Variants in TMEM63A observed in about 807,000 individuals in gnomAD.
The protein encoded by TMEM63A is transmembrane protein 63A.
Under a neutral mutation model 100.6 loss-of-function variants are expected in TMEM63A, and 76 were observed. The ratio of observed to expected loss-of-function variants is 0.76; its 90% CI spans 0.63 to 0.91. TMEM63A has a LOEUF of 0.91. Ranked by LOEUF, TMEM63A falls within the 40% of genes least tolerant of loss-of-function variation. The pLI, the probability that TMEM63A is intolerant of heterozygous loss-of-function variation, is 0.00. For synonymous variants in TMEM63A, 401 were observed against 401.1 expected (o/e 1.00, Z 0.00); for missense variants, 876 against 1,008.8 (o/e 0.87, Z 1.78).
At chr1:225,861,079 G>A (rs557625357) in intron 13 of TMEM63A, 82 bp from the exon 14 acceptor site, 1 of 1,462,376 alleles carries the variant, frequency 6.8e-7, no homozygotes, top group East Asian at 2.3e-5. Context: ...CTGAGTAGGA[G>A]TGGGAGGCAG....
At position 225,848,486 on chromosome 1, in the gene TMEM63A, G is replaced by A. The variant is rs764067527; in HGVS notation, c.2250+6C>T. ...ACAAGCTCAGAGGCTGAGGGGCACA[G>A]CTTACTGTGAACGGTGGGGGCATGT... On this transcript the variant is annotated splice_donor_region_variant and intron_variant, in intron 23 of 24. Coordinates refer to ENST00000366835, the MANE Select transcript of TMEM63A (RefSeq NM_014698.3). 1 of 1,614,120 alleles carries A rather than the reference G, an allele frequency of 6.2e-7. No homozygotes were observed. The highest frequency in any genetic ancestry group is 1.1e-5 in the South Asian group (1 of 91,086).
chr1:225,847,447 G>A (rs1200940972), intron 23 of TMEM63A: 5 of 475,028 alleles, frequency 1.1e-5, no homozygotes, highest in Non-Finnish European at 1.9e-5. Context: ...ACAGAAGGAA[G>A]CACAAGAGAG....
chr1:225,860,538 C>T (rs912178081), intron 14 of TMEM63A: 4 of 223,670 alleles, frequency 1.8e-5, no homozygotes, highest in East Asian at 9.5e-5. Flanking sequence ...ATATATTGGG[C>T]GAGATACATT....
chr1:225,860,441 ACAC>A (rs1407937223), intron 14 of TMEM63A: 1 of 154,682 alleles, frequency 6.5e-6, no homozygotes, highest in African/African-American at 2.4e-5. Flanking sequence ...TGTAAAATAC[ACAC>A]CAGATATTGA....
chr1:225,873,818 A>T (rs1351101249), intron 4 of TMEM63A, among the ~76,000 whole-genome samples: 1 of 152,146 alleles, frequency 6.6e-6, no homozygotes, highest in Non-Finnish European at 1.5e-5. Context: ...TTCAAAGATG[A>T]TCACTTAAAA....
At position 225,862,834 on chromosome 1, in the gene TMEM63A, C is replaced by T. The variant is rs369935667; in HGVS notation, c.764G>A (p.Cys255Tyr). 35 of 1,613,922 alleles carry T rather than the reference C, an allele frequency of 2.2e-5. No individual in the cohort carries two copies. In the African/African-American group the frequency reaches 2.7e-4, roughly 12 times the overall value. Residue 255 changes from cysteine (C) to tyrosine (Y), a missense_variant, in exon 11 of 25, where the codon TGT becomes TAT. Physicochemically the swap from Cys to Tyr is radical, Grantham distance 194. Transcript: ENST00000366835. This position sits in a 1 kb window ranked among gnomAD's most constrained non-coding sequence, Gnocchi z 5.1. ...GCACAGCTGCACATCAACCACCTCACACGTGGGATACGCGTCCCTGTGGCC... is the reference window on the plus strand; with the variant it reads ...GCACAGCTGCACATCAACCACCTCATACGTGGGATACGCGTCCCTGTGGCC... Reference protein sequence around the residue: ...ESHFRDAYPTCEVVDVQLCYN... With the variant: ...ESHFRDAYPTYEVVDVQLCYN...
chr1:225,868,063 G>A (rs1559046934), intron 6 of TMEM63A, 33 bp from the exon 7 acceptor site: 8 of 1,612,504 alleles, frequency 5.0e-6, no homozygotes, highest in Non-Finnish European at 6.8e-6. Context: ...TTAATGAGCA[G>A]TGGAACAGGC....
At chr1:225,880,089 G>C (rs373636073) in intron 1 of TMEM63A, among the ~76,000 whole-genome samples, 3 of 152,068 alleles carry the variant, frequency 2.0e-5, no homozygotes, top group East Asian at 1.9e-4. Flanking sequence ...TGCCAAATAG[G>C]CTTCCCAGGG....
Position 225,862,007 on chromosome 1 carries a change from C to T in TMEM63A, c.1085+211G>A. 4.1e-6 allele frequency: 3 copies of T among 735,246 alleles called. No homozygotes were observed. In the South Asian group the frequency reaches 5.6e-5, roughly 14 times the overall value. The allele number at this position is 735,246 out of a possible 1,614,324, so 45.5% of individuals were successfully genotyped here. On this transcript the variant is annotated intron_variant, in intron 13 of 24. Transcript: ENST00000366835. The surrounding 1 kb of genome is among the most constrained non-coding windows in gnomAD (Gnocchi z 5.1). ...TCAGCCAGAATCACCCACTCCGTGG[C>T]TGCTGCCCACACCCCCACCGCCTGT...
At chr1:225,866,909 C>T (rs185422860) in intron 8 of TMEM63A, among the ~76,000 whole-genome samples, 42 of 152,318 alleles carry the variant, frequency 2.8e-4, no homozygotes, top group African/African-American at 9.4e-4. Flanking sequence ...ATCCACAGGA[C>T]CCTCCGTGTT....
chr1:225,871,941 G>A (rs1238603412), intron 5 of TMEM63A, 46 bp downstream of exon 5: 1 of 1,456,194 alleles, frequency 6.9e-7, no homozygotes, highest in Non-Finnish European at 9.6e-7. Flanking sequence ...ATGACTGCCA[G>A]TCCCCACCCC....
intron 14 of TMEM63A, chr1:225,859,617 G>A (rs1388706983): frequency 4.5e-6 from 2 of 446,802 alleles, no homozygotes; most frequent in Non-Finnish European, 7.9e-6. Context: ...GCCAAACAAG[G>A]CTCCAGCATG....
Position 225,860,885 on chromosome 1 carries a change from C to A in TMEM63A, c.1198G>T (p.Ala400Ser). 3 of 1,611,480 alleles carry A rather than the reference C, an allele frequency of 1.9e-6. No individual in the cohort carries two copies. Among genetic ancestry groups the A allele is most frequent in the Non-Finnish European group, 2.5e-6 (3 of 1,178,780 alleles). Residue 400 changes from alanine to serine, a missense_variant, in exon 14 of 25, where the codon GCT becomes TCT. Ala to Ser is a moderately conservative substitution (Grantham distance 99, BLOSUM62 1). This residue lies in a region of TMEM63A where 487 missense variants were observed against 581.9 expected (regional missense o/e 0.84). Coordinates refer to ENST00000366835, the MANE Select transcript of TMEM63A (RefSeq NM_014698.3). ...CAGCAGATGTCCTCAGGGTCAGCAG[C>A]AAAGGTGACTGTCCACTTGGAGGTA... ...LYTSKWTVTFAADPEDICWKN... is the reference protein window; with the variant it reads ...LYTSKWTVTFSADPEDICWKN...
intron 6 of TMEM63A, 133 bp from the exon 7 acceptor site, chr1:225,868,163 T>A: frequency 8.5e-7 from 1 of 1,176,636 alleles, no homozygotes; most frequent in African/African-American, 1.5e-5. Context: ...TGTTCACATA[T>A]GAGGAAATAA....
At chr1:225,854,982 T>A (rs535054183) in intron 18 of TMEM63A, among the ~76,000 whole-genome samples, 2 of 152,218 alleles carry the variant, frequency 1.3e-5, no homozygotes, top group Non-Finnish European at 2.9e-5. Context: ...AAGATGAGGA[T>A]TGAGCTGGTC....
chr1:225,848,300 C>T (rs1669125946), intron 23 of TMEM63A, 192 bp downstream of exon 23: 1 of 610,970 alleles, frequency 1.6e-6, no homozygotes, highest in East Asian at 2.8e-5. Flanking sequence ...ATCTCCTCAA[C>T]AGTTTCAAAT....
At position 225,853,728 on chromosome 1, in the gene TMEM63A, G is replaced by A. The variant is rs749927394; in HGVS notation, c.1698C>T (p.Ile566=). Residue 566 remains isoleucine, a synonymous_variant, in exon 19 of 25, where the codon ATC becomes ATT. Transcript: ENST00000366835. This position sits in a 1 kb window ranked among gnomAD's most constrained non-coding sequence, Gnocchi z 4.0. The part of the protein sequence containing the change: ...FVNYVIASAF[I]GNGMELLRLP... ...GCCGCAGCAGCTCCATGCCATTGCC[G>A]ATGAAGGCCGAGGCGATGACATAGT... is the stretch of plus-strand genomic sequence containing the variant. 8.7e-6 allele frequency: 14 copies of A among 1,603,308 alleles called. No homozygotes were observed. The highest frequency in any genetic ancestry group is 3.4e-5 in the South Asian group (3 of 89,036).
At chr1:225,872,572 T>C (rs1019735369) in intron 4 of TMEM63A, among the ~76,000 whole-genome samples, 3 of 152,196 alleles carry the variant, frequency 2.0e-5, no homozygotes, top group African/African-American at 7.2e-5. Context: ...GGACAAATGA[T>C]GGCACTTTAT....
rs774250450 is a variant in TMEM63A, at chr1:225,862,250, G to A, written c.1053C>T (p.Phe351=). Residue 351 remains phenylalanine, a synonymous_variant, in exon 13 of 25, where the codon TTC becomes TTT. Coordinates refer to ENST00000366835, the MANE Select transcript of TMEM63A (RefSeq NM_014698.3). This position sits in a 1 kb window ranked among gnomAD's most constrained non-coding sequence, Gnocchi z 5.1. The stretch of plus-strand genomic sequence containing the variant: ...CCATGGACTTCTCCTGGAAGGTGAC[G>A]AAGGCCATTCCCAGGGGCTGGTCCT... ...HVQDQPLGMA[F]VTFQEKSMAT... is the part of the protein sequence containing the mutation. The A allele has an allele frequency of 9.9e-6, 16 of 1,614,024 alleles. No individual in the cohort carries two copies. The highest frequency in any genetic ancestry group is 9.3e-5 in the African/African-American group (7 of 74,924).
Sources: allele counts gnomAD v4.1 joint callset (sites outside exome capture counted in the v4.1 genomes callset), GRCh38; gene constraint gnomAD v4.1.1; regional missense constraint gnomAD v4.1.1; non-coding constraint Gnocchi (gnomAD v3.1); transcripts MANE v1.5; gene names NCBI Gene and HGNC (gene_info 2026-07-23, HGNC 2026-07-21).